C6: variants seen among roughly 807,000 people sequenced by gnomAD.
C6 encodes complement C6, also known as complement component C6.
Under a neutral mutation model 112.9 loss-of-function variants are expected in C6, and 101 were observed. That is an observed-to-expected ratio of 0.89 (90% CI 0.76 to 1.06). The LOEUF (loss-of-function observed/expected upper bound fraction) is 1.06. Among genes scored for constraint, C6 ranks in the 50% least tolerant of loss-of-function variants. The pLI is 0.00. For missense variants in C6, 1,202 were observed against 1,104.6 expected (o/e 1.09, Z -1.25); for synonymous variants, 431 against 384.1 (o/e 1.12, Z -1.43).
intron 15 of C6, 36 bp downstream of exon 15, chr5:41,153,774 C>T: frequency 6.6e-7 from 1 of 1,523,150 alleles, no homozygotes. Context: ...GGGTGCACCA[C>T]CTTATCAGAC....
At chr5:41,196,027 A>G (rs796274239) in intron 4 of C6, 94 bp from the exon 5 acceptor site, 1 of 1,444,052 alleles carries the variant, frequency 6.9e-7, no homozygotes, top group Non-Finnish European at 9.6e-7. Flanking sequence ...ATTTCAAGGT[A>G]AAGTTGAAGG....
chr5:41,240,403 T>C (rs578228254), intron 1 of C6, among the ~76,000 whole-genome samples: 3 of 152,146 alleles, frequency 2.0e-5, no homozygotes, highest in African/African-American at 4.8e-5. Context: ...GGAGCAGCTG[T>C]GGATCAAGCA....
rs1751171120 is a variant in C6 at position 41,203,212 on chromosome 5, A to T, written c.19T>A (p.Leu7Met). 6.2e-7 allele frequency: 1 copy of T among 1,614,066 alleles called. No individual in the cohort carries two copies. The highest frequency in any genetic ancestry group is 8.5e-7 in the Non-Finnish European group (1 of 1,179,988). Residue 7 changes from leucine to methionine, a missense_variant, in exon 2 of 18, where the codon TTG becomes ATG. Physicochemically the swap from Leu to Met is conservative, Grantham distance 15. Coordinates refer to ENST00000337836, the MANE Select transcript of C6 (RefSeq NM_000065.5). MARRSV[L>M]YFILLNALIN... ...AGAGCATTCAGCAGGATGAAGTACA[A>T]GACAGAGCGTCTGGCCATGCCTTGA...
At position 41,190,099 on chromosome 5, in the gene C6, C is replaced by T. The variant is rs535486670; in HGVS notation, c.588-3891G>A. Among the ~76,000 whole-genome samples, 21 of 152,134 alleles carry T rather than the reference C, an allele frequency of 1.4e-4. No individual in the cohort carries two copies. The East Asian group carries it at 3.9e-3, about 28-fold the overall frequency. On this transcript the variant is annotated intron_variant, in intron 5 of 17. Transcript: ENST00000337836. ...GGATGCAGATATCTGTTCAGTATAC[C>T]GATTTCCTTTGCTTTGGATGTATGC...
chr5:41,181,182 A>G (rs557215140), intron 7 of C6, among the ~76,000 whole-genome samples, 177 bp downstream of exon 7: 39 of 152,156 alleles, frequency 2.6e-4, no homozygotes, highest in African/African-American at 9.2e-4. Flanking sequence ...CCATTAATAT[A>G]CATAATATTT....
Position 41,234,338 on chromosome 5 carries a change from GT to G in C6, c.-21+26855del, listed in dbSNP as rs544459678. 2.1e-4 allele frequency among the ~76,000 whole-genome samples: 27 copies of G among 127,730 alleles called. 1 individual carries two copies. Among genetic ancestry groups the G allele is most frequent in the Middle Eastern group, 4.2e-3 (1 of 238 alleles). The allele number at this position is 127,730 out of a possible 152,430, so 83.8% of individuals were successfully genotyped here. A position where few individuals can be genotyped will look rare whatever the true frequency, so the allele number is the denominator to read the frequency against. ...GGATACTTTGTTATTCTACCCTTTC[GT>G]TTTTTTTTTTGTTTTTTGTTTTTTG... is the stretch of plus-strand genomic sequence containing the variant. On this transcript the variant is annotated intron_variant, in intron 1 of 17. Coordinates refer to the C6 transcript ENST00000263413.
chr5:41,242,539 A>G (rs116044402), intron 1 of C6, among the ~76,000 whole-genome samples: 3,910 of 152,296 alleles, frequency 0.026, 169 homozygotes, highest in African/African-American at 0.09. Context: ...CAAAAGTTAC[A>G]TTTTAGAATA....
At chr5:41,239,214 T>C (rs1359869028) in intron 1 of C6, among the ~76,000 whole-genome samples, 2 of 149,892 alleles carry the variant, frequency 1.3e-5, no homozygotes, top group Non-Finnish European at 3.0e-5. Flanking sequence ...CAGGTTCAAG[T>C]GATTCTTCTG....
intron 8 of C6, among the ~76,000 whole-genome samples, chr5:41,173,766 G>C (rs1352855794): frequency 1.3e-5 from 2 of 152,134 alleles, no homozygotes; most frequent in Non-Finnish European, 2.9e-5. Flanking sequence ...AACTGGGCCT[G>C]TCTACCTCAT....
intron 1 of C6, among the ~76,000 whole-genome samples, chr5:41,233,461 A>G (rs139583939): frequency 6.6e-6 from 1 of 152,252 alleles, no homozygotes; most frequent in East Asian, 1.9e-4. Flanking sequence ...TTTTCACTAT[A>G]GATGGAGAAG....
chr5:41,166,117 A>G (rs780805074), intron 9 of C6, among the ~76,000 whole-genome samples: 86 of 152,242 alleles, frequency 5.6e-4, no homozygotes, highest in Non-Finnish European at 1.1e-3. Flanking sequence ...TTTCTCTTAA[A>G]CACTGTTACA....
chr5:41,183,299 G>A (rs766141154), intron 6 of C6, among the ~76,000 whole-genome samples: 6 of 152,062 alleles, frequency 3.9e-5, no homozygotes, highest in Non-Finnish European at 8.8e-5. Context: ...TATAACCTTT[G>A]TTTTTAATGT....
rs769849491 is a variant in C6 at position 41,176,522 on chromosome 5, A to C, written c.1121T>G (p.Val374Gly). The change falls in exon 8 of 18, where the codon GTG (valine) becomes GGG (glycine). Residue 374 changes from valine to glycine, a missense_variant. Transcript: ENST00000337836. ...HYFTSGSLGG[V>G]YDLLYQFSSE... ...GCTAAACTGATAGAGAAGGTCATAC[A>C]CGCCTCCCAGGGAGCCAGAGGTGAA... The C allele has an allele frequency of 1.9e-6, 3 of 1,613,700 alleles. No homozygotes were observed. In the African/African-American group the frequency reaches 4.0e-5, roughly 22 times the overall value.
At chr5:41,231,491 A>G (rs34100651) in intron 1 of C6, among the ~76,000 whole-genome samples, 3,072 of 152,250 alleles carry the variant, frequency 0.02, 53 homozygotes, top group Non-Finnish European at 0.03. Context: ...TCACATACAA[A>G]AACTACACTT....
At chr5:41,171,277 G>A (rs1036268738) in intron 9 of C6, among the ~76,000 whole-genome samples, 2 of 152,146 alleles carry the variant, frequency 1.3e-5, no homozygotes, top group Admixed American at 6.6e-5. Context: ...TTCTGGTTTG[G>A]CTGATTTAGT....
chr5:41,222,186 A>G (rs1739216741), intron 1 of C6, among the ~76,000 whole-genome samples: 1 of 151,704 alleles, frequency 6.6e-6, no homozygotes, highest in South Asian at 2.1e-4. Flanking sequence ...AACAAAAAAA[A>G]GAAAAGTAAT....
In C6 at chr5:41,160,085, A is replaced by G; in HGVS notation, c.1684+57T>C. 6 of 1,381,204 alleles carry G rather than the reference A, an allele frequency of 4.3e-6. No homozygotes were observed. In the South Asian group the frequency reaches 7.0e-5, roughly 16 times the overall value. 85.6% of individuals were successfully genotyped at this position (1,381,204 alleles called of 1,614,324 possible). A position where few individuals can be genotyped will look rare whatever the true frequency, so the allele number is the denominator to read the frequency against. ...TTGTTTCTTTTTAATTGACCAACTT[A>G]GAATACTCTTTGGAGGGGAAAACTT... On this transcript the variant is annotated intron_variant, in intron 11 of 17. Transcript: ENST00000337836.
intron 1 of C6, among the ~76,000 whole-genome samples, chr5:41,226,160 C>T (rs900783216): frequency 6.6e-6 from 1 of 152,148 alleles, no homozygotes. Context: ...TCAGAGTCAA[C>T]AGGCAACCTA....
intron 1 of C6, among the ~76,000 whole-genome samples, chr5:41,234,135 G>T (rs749189720): frequency 3.0e-4 from 45 of 152,114 alleles, no homozygotes; most frequent in Middle Eastern, 6.8e-3. Context: ...TCCCACAGGG[G>T]TCATTCTTTC....
Sources: gnomAD v4.1 joint callset for allele counts (sites outside exome capture counted in the v4.1 genomes callset) on GRCh38, gnomAD v4.1.1 for gene constraint, MANE v1.5 for transcripts, NCBI Gene and HGNC (gene_info 2026-07-23, HGNC 2026-07-21) for gene names.